Variants in PUM2 observed in about 807,000 individuals in gnomAD.
The protein encoded by PUM2 is pumilio homolog 2.
PUM2 carries 57 observed loss-of-function variants against 124.5 expected under a neutral mutation model. The observed-to-expected ratio is 0.46, with a 90% confidence interval of 0.37 to 0.57. PUM2 has a LOEUF of 0.57. Among genes scored for constraint, PUM2 ranks in the 20% least tolerant of loss-of-function variants. The pLI, the probability that PUM2 is intolerant of heterozygous loss-of-function variation, is 0.00. For synonymous variants in PUM2, 460 were observed against 446.1 expected, an observed-to-expected ratio of 1.03 and a Z score of -0.39; for missense variants, 1,065 against 1,290.6, an observed-to-expected ratio of 0.83 and a Z score of 2.68.
intron 3 of PUM2, among the ~76,000 whole-genome samples, chr2:20,315,385 T>C (rs1263432143): frequency 1.3e-5 from 2 of 152,158 alleles, no homozygotes; most frequent in Admixed American, 6.5e-5. Flanking sequence ...GAGACTCTCT[T>C]AGAATGACAA....
intron 5 of PUM2, among the ~76,000 whole-genome samples, chr2:20,308,998 T>C (rs1450690493): frequency 2.0e-5 from 3 of 152,180 alleles, no homozygotes; most frequent in Non-Finnish European, 4.4e-5. Flanking sequence ...ACCATACTGC[T>C]GTCCTGCCCT....
At chr2:20,320,706 G>A (rs943365174) in intron 2 of PUM2, among the ~76,000 whole-genome samples, 4 of 152,002 alleles carry the variant, frequency 2.6e-5, no homozygotes, top group Non-Finnish European at 4.4e-5. Context: ...ATCCCAGTAA[G>A]TAAACTATAA....
At chr2:20,271,430 C>T (rs1668987187) in intron 13 of PUM2, among the ~76,000 whole-genome samples, 1 of 152,138 alleles carries the variant, frequency 6.6e-6, no homozygotes, top group Non-Finnish European at 1.5e-5. Context: ...TCTCCCACTT[C>T]AGCTTCTCAA....
upstream of PUM2, among the ~76,000 whole-genome samples, chr2:20,351,301 C>T (rs1689317632): frequency 6.6e-6 from 1 of 152,230 alleles, no homozygotes; most frequent in Admixed American, 6.5e-5. Context: ...AAGAGCCGGA[C>T]GTTAATTCAG....
intron 13 of PUM2, among the ~76,000 whole-genome samples, chr2:20,272,027 C>CA: frequency 6.6e-6 from 1 of 152,234 alleles, no homozygotes; most frequent in Middle Eastern, 3.4e-3. Flanking sequence ...GGCGTGCTGG[C>CA]AGGCGCCTGT....
chr2:20,276,772 A>G (rs959862383), intron 13 of PUM2, among the ~76,000 whole-genome samples: 1 of 152,054 alleles, frequency 6.6e-6, no homozygotes, highest in African/African-American at 2.4e-5. Flanking sequence ...TCATACCACC[A>G]CTAAAACTAT....
At position 20,284,710 on chromosome 2, in the gene PUM2, T is replaced by G. The variant is rs554338827; in HGVS notation, c.1292-1224A>C. 1.0e-3 allele frequency among the ~76,000 whole-genome samples: 153 copies of G among 152,338 alleles called. 2 individuals carry two copies. Among genetic ancestry groups the G allele is most frequent in the African/African-American group, 3.3e-3 (136 of 41,578 alleles). ...TTTAAGTCTTATTTTGTTAATACTA[T>G]GCAGAAGTGAGAGTTACAGTAAAAT... On this transcript the variant is annotated intron_variant, in intron 10 of 20. Transcript: ENST00000361078.
intron 14 of PUM2, 96 bp downstream of exon 14, chr2:20,263,097 A>C: frequency 1.6e-6 from 2 of 1,239,060 alleles, no homozygotes; most frequent in Non-Finnish European, 2.2e-6. Flanking sequence ...AAAAGCTTCC[A>C]ACTTTAATGC....
intron 7 of PUM2, among the ~76,000 whole-genome samples, chr2:20,301,859 G>A (rs937896008): frequency 2.0e-5 from 3 of 152,086 alleles, no homozygotes; most frequent in African/African-American, 4.8e-5. Flanking sequence ...GATTACAGGC[G>A]TGAGCCACTG....
chr2:20,280,530 A>T (rs1405246540), intron 12 of PUM2, among the ~76,000 whole-genome samples: 1 of 152,192 alleles, frequency 6.6e-6, no homozygotes, highest in Admixed American at 6.5e-5. Context: ...TTAACTGACA[A>T]TGAAAAGACA....
chr2:20,301,562 A>G (rs1409882854), intron 7 of PUM2, among the ~76,000 whole-genome samples: 1 of 151,940 alleles, frequency 6.6e-6, no homozygotes, highest in Non-Finnish European at 1.5e-5. Context: ...TTAATCATAA[A>G]TCTCTGTCTA....
At chr2:20,343,769 T>C (rs1202819867) in intron 1 of PUM2, among the ~76,000 whole-genome samples, 1 of 152,104 alleles carries the variant, frequency 6.6e-6, no homozygotes, top group African/African-American at 2.4e-5. Context: ...CTACAAATAA[T>C]AACAAAATAA....
At position 20,258,490 on chromosome 2, in the gene PUM2, A is replaced by G. The variant is rs971311676; in HGVS notation, c.2356-119T>C. On this transcript the variant is annotated intron_variant, in intron 15 of 20. Coordinates refer to ENST00000361078, the MANE Select transcript of PUM2 (RefSeq NM_015317.5). ...AGTAACTATGTAGGGCAGGGGCTTT[A>G]AGGTAGAAGCTAATTAAGATAGACT... 1.2e-5 allele frequency: 11 copies of G among 910,018 alleles called. No individual in the cohort carries two copies. In the East Asian group the frequency reaches 3.0e-4, roughly 25 times the overall value. The allele number at this position is 910,018 out of a possible 1,614,324, so 56.4% of individuals were successfully genotyped here.
chr2:20,317,650 C>T (rs1681310498), intron 3 of PUM2, among the ~76,000 whole-genome samples: 2 of 152,036 alleles, frequency 1.3e-5, no homozygotes, highest in Admixed American at 6.6e-5. Flanking sequence ...TATTTCATTA[C>T]TCAGGTACTA....
intron 12 of PUM2, 132 bp from the exon 13 acceptor site, chr2:20,278,951 A>G: frequency 1.4e-6 from 1 of 689,776 alleles, no homozygotes; most frequent in South Asian, 1.9e-5. Context: ...GAAGATAATT[A>G]CTGTGATAAC....
In PUM2 at chr2:20,315,009, G is replaced by A. The variant is rs1400678033; in HGVS notation, c.161-2586C>T. On this transcript the variant is annotated intron_variant, in intron 3 of 20. Transcript: ENST00000361078. ...AAAAAAGCAAAAGTACGAAAGATGGGCATCAATCCTTCCAAGTCTTCAAAT... is the reference window on the plus strand; with the variant it reads ...AAAAAAGCAAAAGTACGAAAGATGGACATCAATCCTTCCAAGTCTTCAAAT... 2.0e-5 allele frequency among the ~76,000 whole-genome samples: 3 copies of A among 149,516 alleles called. No individual in the cohort carries two copies. In the East Asian group the frequency reaches 5.8e-4, roughly 29 times the overall value.
chr2:20,308,191 C>A, intron 6 of PUM2, 120 bp from the exon 7 acceptor site: 1 of 1,466,868 alleles, frequency 6.8e-7, no homozygotes, highest in South Asian at 1.3e-5. Flanking sequence ...ATACAGGACA[C>A]TTTAATCAAT....
intron 14 of PUM2, among the ~76,000 whole-genome samples, chr2:20,262,704 C>A (rs1361547006): frequency 6.6e-6 from 1 of 152,172 alleles, no homozygotes; most frequent in African/African-American, 2.4e-5. Flanking sequence ...TCTAAGCTAT[C>A]TTTACAATGT....
At chr2:20,307,924 A>G in intron 7 of PUM2, 54 bp downstream of exon 7, 3 of 1,583,182 alleles carry the variant, frequency 1.9e-6, no homozygotes, top group East Asian at 4.5e-5. Flanking sequence ...AAAGTGAAAC[A>G]TCCTAGACAT....
Sources: allele counts gnomAD v4.1 joint callset (sites outside exome capture counted in the v4.1 genomes callset), GRCh38; gene constraint gnomAD v4.1.1; transcripts MANE v1.5; gene names NCBI Gene and HGNC (gene_info 2026-07-23, HGNC 2026-07-21).